The following ITGAD variants were observed in gnomAD, a reference collection of about 807,000 sequenced individuals.
The protein encoded by ITGAD is integrin subunit alpha D.
Under a neutral mutation model 139.0 loss-of-function variants are expected in ITGAD, and 105 were observed. The observed-to-expected ratio is 0.76, with a 90% CI of 0.65 to 0.89. ITGAD has a LOEUF of 0.89. Among genes scored for constraint, ITGAD ranks in the 40% least tolerant of loss-of-function variants. The probability of loss-of-function intolerance (pLI) is 0.00; values close to 1 mark genes in which losing one functional copy is unlikely to be tolerated. For synonymous variants in ITGAD, 569 were observed against 598.3 expected, an observed-to-expected ratio of 0.95 and a Z score of 0.71; for missense variants, 1,384 against 1,487.3, an observed-to-expected ratio of 0.93 and a Z score of 1.14.
rs554614369 is a variant in ITGAD, at chr16:31,394,414, C to T, written c.137+73C>T. The T allele has an allele frequency of 9.3e-6, 11 of 1,187,262 alleles. No individual in the cohort carries two copies. The African/African-American group carries it at 1.1e-4, about 11-fold the overall frequency. The allele number at this position is 1,187,262 out of a possible 1,614,324, so 73.5% of individuals were successfully genotyped here. On this transcript the variant is annotated intron_variant, in intron 2 of 29. Coordinates refer to ENST00000389202, the MANE Select transcript of ITGAD (RefSeq NM_005353.3). ...TGTGGATGGGTACACGTGGGTTACC[C>T]CAGGGAGGTGTCCTGGAGGAAGGCC...
At position 31,408,473 on chromosome 16, in the gene ITGAD, A is replaced by G. The variant is rs771080150; in HGVS notation, c.1058A>G (p.Glu353Gly). The G allele has an allele frequency of 6.2e-7, 1 of 1,613,972 alleles. No individual in the cohort carries two copies. The highest frequency in any genetic ancestry group is 1.3e-5 in the African/African-American group (1 of 74,914). ...SSSFQHEMSQ[E>G]GFSTALTMDG... ...TCCTTCCAGCACGAGATGTCCCAAG[A>G]AGGCTTCAGCACAGCCCTCACAATG... The change falls in exon 10 of 30, where the codon GAA becomes GGA. Residue 353 changes from glutamate to glycine, a missense_variant. Physicochemically the swap from Glu to Gly is moderately conservative, Grantham distance 98 (BLOSUM62 -2). Transcript: ENST00000389202.
intron 3 of ITGAD, 32 bp downstream of exon 3, chr16:31,397,494 A>G: frequency 6.3e-7 from 1 of 1,575,288 alleles, no homozygotes; most frequent in Non-Finnish European, 8.6e-7. Context: ...GGGCCCCTCA[A>G]CCCTCCTGGA....
intron 2 of ITGAD, among the ~76,000 whole-genome samples, chr16:31,394,555 G>A (rs181363728): frequency 1.7e-4 from 26 of 152,212 alleles, no homozygotes; most frequent in Non-Finnish European, 3.5e-4. Context: ...TACCTCGGGA[G>A]GGAAGCCTTG....
In ITGAD at chr16:31,416,630, G is replaced by A. The variant is rs992896693; in HGVS notation, c.2483G>A (p.Arg828Gln). The A allele has an allele frequency of 5.0e-6, 8 of 1,609,628 alleles. No individual in the cohort carries two copies. The highest frequency in any genetic ancestry group is 1.7e-5 in the Admixed American group (1 of 59,908). The change falls in exon 20 of 30, where the codon CGG becomes CAG. Residue 828 changes from arginine (R) to glutamine (Q), a missense_variant. Transcript: ENST00000389202. Reference sequence around the variant, plus strand: ...TATCCAGCAGGGCTGTCGCACCGACGGGTGTCAGGAGCCCAGGTAACAACT... The same window carrying A: ...TATCCAGCAGGGCTGTCGCACCGACAGGTGTCAGGAGCCCAGGTAACAACT... ...LYYPAGLSHR[R>Q]VSGAQKQPHQ...
intron 10 of ITGAD, among the ~76,000 whole-genome samples, chr16:31,408,965 C>A (rs1781655380): frequency 6.6e-6 from 1 of 152,108 alleles, no homozygotes; most frequent in Non-Finnish European, 1.5e-5. Context: ...CAGGTGGGAT[C>A]AAAGATGTGG....
At chr16:31,410,081 C>T (rs959878489) in intron 10 of ITGAD, among the ~76,000 whole-genome samples, 2 of 151,992 alleles carry the variant, frequency 1.3e-5, no homozygotes, top group Admixed American at 6.6e-5. Context: ...CTAGGTACCA[C>T]CGTAAGGGCC....
intron 10 of ITGAD, among the ~76,000 whole-genome samples, chr16:31,409,806 G>C (rs917270494): frequency 2.0e-5 from 3 of 151,826 alleles, no homozygotes; most frequent in Non-Finnish European, 4.4e-5. Context: ...CAACTACTCA[G>C]GAGGCTGAGA....
At chr16:31,419,789 G>A (rs563637408) in intron 23 of ITGAD, among the ~76,000 whole-genome samples, 82 of 145,356 alleles carry the variant, frequency 5.6e-4, no homozygotes, top group Non-Finnish European at 1.0e-3. Flanking sequence ...CCAGCTCAGG[G>A]GTGACAGATT....
chr16:31,394,309 TGGG>T lies in ITGAD; in HGVS notation c.106_108del (p.Gly36del). 1 of 1,613,670 alleles carries T rather than the reference TGGG, an allele frequency of 6.2e-7. No homozygotes were observed. Among genetic ancestry groups the T allele is most frequent in the South Asian group, 1.1e-5 (1 of 91,046 alleles). On this transcript the variant is annotated inframe_deletion, in exon 2 of 30. Transcript: ENST00000389202. ...TCTTCCAGGAGGATGCAGGCGGCTT[TGGG>T]CAGAGCGTGGTGCAGTTCGGTGGAT...
At chr16:31,397,327 C>G in intron 2 of ITGAD, 32 bp from the exon 3 acceptor site, 1 of 1,463,284 alleles carries the variant, frequency 6.8e-7, no homozygotes, top group Non-Finnish European at 9.4e-7. Flanking sequence ...CCTCCTGTGG[C>G]TGCAGTGACA....
At chr16:31,421,741 C>T (rs1030918615) in intron 23 of ITGAD, among the ~76,000 whole-genome samples, 1 of 152,066 alleles carries the variant, frequency 6.6e-6, no homozygotes, top group Non-Finnish European at 1.5e-5. Flanking sequence ...TTTCCAGAGA[C>T]GTGAAGTGGC....
chr16:31,402,717 C>T (rs1342682323), intron 6 of ITGAD: 2 of 154,066 alleles, frequency 1.3e-5, no homozygotes, highest in African/African-American at 4.8e-5. Context: ...ATCCTCTTTC[C>T]TCAGCCTCCT....
rs369906960 is a variant in ITGAD at position 31,413,255 on chromosome 16, C to T, written c.1996+9C>T. 195 of 1,613,454 alleles carry T rather than the reference C, an allele frequency of 1.2e-4. No individual in the cohort carries two copies. The highest frequency in any genetic ancestry group is 1.6e-4 in the Non-Finnish European group (184 of 1,179,752). ...CTCACTGGACCAGCTAGGTGTGTTT[C>T]CCCCATAAAGGGGGCCCAGGCCCCT... On this transcript the variant is annotated intron_variant, in intron 16 of 29. Coordinates refer to ENST00000389202, the MANE Select transcript of ITGAD (RefSeq NM_005353.3).
chr16:31,415,008 A>G lies in ITGAD; in HGVS notation c.2283+17A>G. On this transcript the variant is annotated intron_variant, in intron 18 of 29. Coordinates refer to ENST00000389202, the MANE Select transcript of ITGAD (RefSeq NM_005353.3). ...ACTGCTTCTGTGAGTCTTCTGATGAAGTCCCAGGGATGTGCTGACTTCATT... is the reference window on the plus strand; with the variant it reads ...ACTGCTTCTGTGAGTCTTCTGATGAGGTCCCAGGGATGTGCTGACTTCATT... The G allele has an allele frequency of 6.2e-7, 1 of 1,613,640 alleles. No individual in the cohort carries two copies. The highest frequency in any genetic ancestry group is 8.5e-7 in the Non-Finnish European group (1 of 1,179,800).
In ITGAD at chr16:31,423,102, C is replaced by T. The variant is rs2082038390; in HGVS notation, c.2781-12C>T. ...TTCAGGGCTGTTTTTCACCCACAGG[C>T]TCTCTCTCCAGGCAGGAAGAATCCA... On this transcript the variant is annotated splice_polypyrimidine_tract_variant and intron_variant, in intron 23 of 29. Transcript: ENST00000389202. 1.9e-6 allele frequency: 3 copies of T among 1,612,016 alleles called. No individual in the cohort carries two copies. The highest frequency in any genetic ancestry group is 1.7e-6 in the Non-Finnish European group (2 of 1,177,998).
intron 1 of ITGAD, 55 bp from the exon 2 acceptor site, chr16:31,394,181 T>C: frequency 1.9e-6 from 2 of 1,045,448 alleles, no homozygotes; most frequent in Non-Finnish European, 2.9e-6. Flanking sequence ...TGGGAGGTCC[T>C]AGGGATTGGG....
At position 31,418,396 on chromosome 16, in the gene ITGAD, G is replaced by C. The variant is rs773010464; in HGVS notation, c.2696+16G>C. ...GTGCAAGCAGGTGGGTCCAGGCCAGGGTATCCCCCACCCTCCATCGCATGC... is the reference window on the plus strand; with the variant it reads ...GTGCAAGCAGGTGGGTCCAGGCCAGCGTATCCCCCACCCTCCATCGCATGC... On this transcript the variant is annotated intron_variant, in intron 22 of 29. Coordinates refer to ENST00000389202, the MANE Select transcript of ITGAD (RefSeq NM_005353.3). 6 of 1,612,738 alleles carry C rather than the reference G, an allele frequency of 3.7e-6. No individual in the cohort carries two copies. Among genetic ancestry groups the C allele is most frequent in the Non-Finnish European group, 5.1e-6 (6 of 1,178,976 alleles).
intron 23 of ITGAD, among the ~76,000 whole-genome samples, chr16:31,421,650 A>C (rs2082008753): frequency 6.6e-6 from 1 of 152,200 alleles, no homozygotes; most frequent in East Asian, 1.9e-4. Flanking sequence ...TGTGCTGGGC[A>C]CTACCAAGCC....
rs1210209797 is a variant in ITGAD at position 31,403,580 on chromosome 16, C to T, written c.639C>T (p.Ser213=). 1 of 1,614,084 alleles carries T rather than the reference C, an allele frequency of 6.2e-7. No homozygotes were observed. The highest frequency in any genetic ancestry group is 8.5e-7 in the Non-Finnish European group (1 of 1,180,046). Residue 213 remains serine, a synonymous_variant, in exon 7 of 30, where the codon AGC becomes AGT. Coordinates refer to ENST00000389202, the MANE Select transcript of ITGAD (RefSeq NM_005353.3). This position sits in a 1 kb window ranked among gnomAD's most constrained non-coding sequence, Gnocchi z 4.4. ...TQFRTSPSQQ[S]LVDPIVQLKG... is the part of the protein sequence containing the mutation. ...TCCGGACCAGCCCGAGCCAGCAGAG[C>T]CTGGTGGATCCCATCGTCCAACTGA... is the stretch of plus-strand genomic sequence containing the variant.
Sources: allele counts gnomAD v4.1 joint callset (sites outside exome capture counted in the v4.1 genomes callset), GRCh38; gene constraint gnomAD v4.1.1; non-coding constraint Gnocchi (gnomAD v3.1); transcripts MANE v1.5; gene names NCBI Gene and HGNC (gene_info 2026-07-23, HGNC 2026-07-21).